Variants in AGPAT3 observed in about 807,000 individuals in gnomAD.
AGPAT3 encodes the protein 1-acyl-sn-glycerol-3-phosphate acyltransferase gamma.
In AGPAT3, 5 loss-of-function variants were observed where a neutral mutation model predicts 47.3. The ratio of observed to expected loss-of-function variants is 0.11; its 90% CI spans 0.06 to 0.22. AGPAT3 has a LOEUF of 0.22. Among genes scored for constraint, AGPAT3 ranks in the 10% least tolerant of loss-of-function variants. The pLI, the probability that AGPAT3 is intolerant of heterozygous loss-of-function variation, is 1.00. For missense variants in AGPAT3, 315 were observed against 493.0 expected, an observed-to-expected ratio of 0.64 and a Z score of 3.42; for synonymous variants, 212 against 208.3, an observed-to-expected ratio of 1.02 and a Z score of -0.15.
intron 2 of AGPAT3, among the ~76,000 whole-genome samples, chr21:43,936,107 G>A (rs1181022548): frequency 6.6e-6 from 1 of 152,232 alleles, no homozygotes; most frequent in African/African-American, 2.4e-5. Context: ...AGCCGTGGTG[G>A]TCAATCTGCT....
At chr21:43,890,326 C>G (rs2086075033) in intron 1 of AGPAT3, among the ~76,000 whole-genome samples, 2 of 152,166 alleles carry the variant, frequency 1.3e-5, no homozygotes, top group African/African-American at 4.8e-5. Flanking sequence ...CAGAGGTGTT[C>G]CCAGAAACTG....
chr21:43,891,149 C>T (rs1311769325), intron 1 of AGPAT3, among the ~76,000 whole-genome samples: 1 of 152,196 alleles, frequency 6.6e-6, no homozygotes, highest in Non-Finnish European at 1.5e-5. Context: ...CACGTGATGT[C>T]ATTTGATAGC....
At chr21:43,901,118 A>G (rs2086339965) in intron 1 of AGPAT3, among the ~76,000 whole-genome samples, 1 of 152,142 alleles carries the variant, frequency 6.6e-6, no homozygotes, top group Admixed American at 6.5e-5. Context: ...CTGGGGCCAC[A>G]TAGCGAGACC....
chr21:43,947,364 G>T (rs2087942097), intron 2 of AGPAT3, among the ~76,000 whole-genome samples: 1 of 152,246 alleles, frequency 6.6e-6, no homozygotes, highest in African/African-American at 2.4e-5. Context: ...CTGCAGTCAG[G>T]AGAGCGTGCA....
At chr21:43,940,971 T>G (rs1200129546) in intron 2 of AGPAT3, among the ~76,000 whole-genome samples, 1 of 152,200 alleles carries the variant, frequency 6.6e-6, no homozygotes, top group Non-Finnish European at 1.5e-5. Context: ...GCTCCAGGCC[T>G]CCAGTGCTCG....
rs1019450078 is a variant in AGPAT3, at chr21:43,934,883, G to A, written c.-48-24751G>A. On this transcript the variant is annotated intron_variant, in intron 2 of 9. Coordinates refer to ENST00000291572, the MANE Select transcript of AGPAT3 (RefSeq NM_020132.5). This position sits in a 1 kb window ranked among gnomAD's most constrained non-coding sequence, Gnocchi z 4.7. ...CACATGCCATTGACACGCCACCCACGCCACTCACATGCCACCCATGCCACC... is the reference window on the plus strand; with the variant it reads ...CACATGCCATTGACACGCCACCCACACCACTCACATGCCACCCATGCCACC... Among the ~76,000 whole-genome samples the A allele has an allele frequency of 5.6e-5, 8 of 141,852 alleles. No individual in the cohort carries two copies. The highest frequency in any genetic ancestry group is 4.1e-4 in the East Asian group (2 of 4,878). 93.1% of individuals were successfully genotyped at this position (141,852 alleles called of 152,430 possible).
chr21:43,923,958 A>T (rs928824656), intron 2 of AGPAT3, among the ~76,000 whole-genome samples: 12 of 152,122 alleles, frequency 7.9e-5, no homozygotes, highest in African/African-American at 2.9e-4. Flanking sequence ...CTCAGGTGAG[A>T]TTGAAAGGCT....
At chr21:43,972,119 T>C (rs1477330205) in intron 7 of AGPAT3, among the ~76,000 whole-genome samples, 1 of 150,122 alleles carries the variant, frequency 6.7e-6, no homozygotes, top group African/African-American at 2.4e-5. Flanking sequence ...AAGGAGACAG[T>C]GGTGAAGGGA....
intron 2 of AGPAT3, among the ~76,000 whole-genome samples, chr21:43,936,380 G>T (rs773791658): frequency 6.6e-6 from 1 of 152,254 alleles, no homozygotes; most frequent in African/African-American, 2.4e-5. Context: ...TGCAGCGTTC[G>T]TCTGTCTGAG....
At chr21:43,923,590 A>G (rs979342246) in intron 2 of AGPAT3, among the ~76,000 whole-genome samples, 1 of 152,198 alleles carries the variant, frequency 6.6e-6, no homozygotes, top group South Asian at 2.1e-4. Context: ...CCATGACCCA[A>G]CTGGCTGGAA....
In AGPAT3 at chr21:43,967,926, C is replaced by G; in HGVS notation, c.179-20C>G. The G allele has an allele frequency of 6.2e-7, 1 of 1,610,142 alleles. No homozygotes were observed. The highest frequency in any genetic ancestry group is 8.5e-7 in the Non-Finnish European group (1 of 1,177,314). The stretch of plus-strand genomic sequence containing the variant: ...GGAGGAGGGGTCCTACCAGTGCCAA[C>G]GCCCTCCCCCTGTCCGCAGAACTGG... On this transcript the variant is annotated intron_variant, in intron 3 of 9. Transcript: ENST00000291572.
intron 2 of AGPAT3, among the ~76,000 whole-genome samples, chr21:43,926,288 G>A (rs188854714): frequency 4.1e-4 from 62 of 152,324 alleles, no homozygotes; most frequent in African/African-American, 4.3e-4. Flanking sequence ...CTTGAGTAAC[G>A]CACTGGCGCC....
chr21:43,927,717 C>G (rs758308893), intron 2 of AGPAT3, among the ~76,000 whole-genome samples: 3 of 152,146 alleles, frequency 2.0e-5, no homozygotes, highest in Non-Finnish European at 1.5e-5. Context: ...GTTTTGAGTC[C>G]TGATTCTGCT....
intron 1 of AGPAT3, among the ~76,000 whole-genome samples, chr21:43,902,593 C>T (rs770664890): frequency 2.6e-5 from 4 of 152,200 alleles, no homozygotes; most frequent in South Asian, 2.1e-4. Flanking sequence ...GCAGCTGGCC[C>T]GTGTCTTTTG....
At chr21:43,881,602 T>C (rs547964065) in intron 1 of AGPAT3, among the ~76,000 whole-genome samples, 29 of 152,378 alleles carry the variant, frequency 1.9e-4, no homozygotes, top group African/African-American at 6.5e-4. Flanking sequence ...TTCTTCTATA[T>C]TGGTTACACG....
At chr21:43,904,370 T>C (rs2086436386) in intron 2 of AGPAT3, among the ~76,000 whole-genome samples, 1 of 152,174 alleles carries the variant, frequency 6.6e-6, no homozygotes, top group African/African-American at 2.4e-5. Flanking sequence ...CTCACAGGGC[T>C]GCCCCGGCTC....
At chr21:43,963,061 T>G (rs2146671867) in intron 3 of AGPAT3, among the ~76,000 whole-genome samples, 1 of 152,298 alleles carries the variant, frequency 6.6e-6, no homozygotes, top group East Asian at 1.9e-4. Flanking sequence ...ACTGTAGATA[T>G]TTTAAAGCAA....
intron 2 of AGPAT3, among the ~76,000 whole-genome samples, chr21:43,931,967 C>G (rs985123128): frequency 7.2e-6 from 1 of 138,038 alleles, no homozygotes; most frequent in East Asian, 2.1e-4. Flanking sequence ...GTGTGTGTGT[C>G]TACCTACCTA....
chr21:43,927,160 T>G (rs2087084369), intron 2 of AGPAT3, among the ~76,000 whole-genome samples: 1 of 152,076 alleles, frequency 6.6e-6, no homozygotes, highest in Non-Finnish European at 1.5e-5. Flanking sequence ...GGGCTGAGCA[T>G]TCCCTTCTGA....
Sources: gnomAD v4.1 joint callset for allele counts (sites outside exome capture counted in the v4.1 genomes callset) on GRCh38, gnomAD v4.1.1 for gene constraint, Gnocchi (gnomAD v3.1) non-coding constraint, MANE v1.5 for transcripts, NCBI Gene and HGNC (gene_info 2026-07-23, HGNC 2026-07-21) for gene names.